GET4: variants seen among roughly 807,000 people sequenced by gnomAD.
GET4 encodes guided entry of tail-anchored proteins factor 4, also known as Golgi to ER traffic protein 4 homolog.
In GET4, 20 loss-of-function variants were observed where a neutral mutation model predicts 40.0. The observed-to-expected ratio is 0.50, with a 90% CI of 0.35 to 0.73. GET4 has a LOEUF of 0.73. GET4 is among the 30% of genes least tolerant of loss of function. The pLI is 0.01. For synonymous variants in GET4, 280 were observed against 194.6 expected (o/e 1.44, Z -3.65); for missense variants, 557 against 454.0 (o/e 1.23, Z -2.06).
At chr7:877,832 G>A (rs1448880517) in intron 1 of GET4, 1 of 34,734 alleles carries the variant, frequency 2.9e-5, no homozygotes, top group Non-Finnish European at 5.2e-5. Flanking sequence ...CCGGCCCCCC[G>A]CCTTTCTCTC....
chr7:886,181 C>A, intron 2 of GET4, 47 bp downstream of exon 2: 1 of 1,269,288 alleles, frequency 7.9e-7, no homozygotes, highest in Non-Finnish European at 1.2e-6. Context: ...TCCGGGCAGG[C>A]AAGTGGAGGT....
Position 892,278 on chromosome 7 carries a change from G to T in GET4, c.606G>T (p.Gln202His). 2 of 1,586,660 alleles carry T rather than the reference G, an allele frequency of 1.3e-6. No homozygotes were observed. The highest frequency in any genetic ancestry group is 1.7e-6 in the Non-Finnish European group (2 of 1,156,814). ...ACCACCAGCATGTTCTCATTTCCAG[G>T]TTTCTCTGTTTAAAAAACAAAAGTA... Reference protein sequence around the residue: ...VDMFVAQAVLQFLCLKNKSSA... With the variant: ...VDMFVAQAVLHFLCLKNKSSA... Residue 202 changes from glutamine (Q) to histidine (H), a missense_variant and splice_region_variant, in exon 6 of 9, where the codon CAG (glutamine) becomes CAT (histidine). By Grantham distance (24) the Gln-to-His change is conservative (BLOSUM62 0). Transcript: ENST00000265857.
chr7:894,629 A>G (rs1337524574), intron 8 of GET4, among the ~76,000 whole-genome samples: 1 of 150,856 alleles, frequency 6.6e-6, no homozygotes, highest in Non-Finnish European at 1.5e-5. Flanking sequence ...GAGCGCCCTG[A>G]CTCTTCTGAC....
chr7:880,423 C>G (rs1212845513), intron 1 of GET4: 5 of 152,250 alleles, frequency 3.3e-5, no homozygotes, highest in African/African-American at 1.2e-4. Flanking sequence ...TTGTTTTGAG[C>G]CACTTCTACG....
chr7:890,878 T>G, intron 4 of GET4, 50 bp from the exon 5 acceptor site: 1 of 1,417,252 alleles, frequency 7.1e-7, no homozygotes, highest in Non-Finnish European at 1.0e-6. Context: ...TTTCCTTTTC[T>G]GTGTTATATT....
chr7:882,459 A>C (rs1225159563), intron 1 of GET4: 1 of 152,308 alleles, frequency 6.6e-6, no homozygotes, highest in Non-Finnish European at 1.5e-5. Context: ...AGAGAAACTG[A>C]CCTGGTTCAT....
At chr7:884,140 G>T in intron 1 of GET4, 1 of 1,247,314 alleles carries the variant, frequency 8.0e-7, no homozygotes, top group Non-Finnish European at 1.0e-6. Context: ...TCAGATAGAA[G>T]CATCCAGAAC....
chr7:884,542 G>A (rs1050142226), intron 1 of GET4: 28 of 356,536 alleles, frequency 7.9e-5, no homozygotes, highest in Admixed American at 1.6e-4. Context: ...TGTGCAGCAC[G>A]AAGCGGTCTC....
chr7:886,913 A>T (rs1279443770), intron 3 of GET4: 1 of 550,778 alleles, frequency 1.8e-6, no homozygotes, highest in Admixed American at 3.0e-5. Flanking sequence ...CACTGCTCCG[A>T]TGGACAGTGG....
rs1199417534 is a variant in GET4, at chr7:876,612, C to G, written c.-34C>G. ...CGGGAGGCGCTGCCGACCGCGCCTGCGACAGCGTCAGCCCTGCGCGGAGCG... is the reference window on the plus strand; with the variant it reads ...CGGGAGGCGCTGCCGACCGCGCCTGGGACAGCGTCAGCCCTGCGCGGAGCG... On this transcript the variant is annotated 5_prime_UTR_variant, in exon 1 of 9. Coordinates refer to ENST00000265857, the MANE Select transcript of GET4 (RefSeq NM_015949.3). 1.7e-6 allele frequency: 2 copies of G among 1,169,598 alleles called. No individual in the cohort carries two copies. Among genetic ancestry groups the G allele is most frequent in the East Asian group, 4.0e-5 (1 of 24,798 alleles). 72.5% of individuals were successfully genotyped at this position (1,169,598 alleles called of 1,614,324 possible).
intron 3 of GET4, 112 bp downstream of exon 3, chr7:886,762 G>T: frequency 1.3e-6 from 1 of 749,994 alleles, no homozygotes; most frequent in South Asian, 1.5e-5. Flanking sequence ...GTGTGCTGTG[G>T]GGTGAACTCT....
intron 5 of GET4, 56 bp downstream of exon 5, chr7:891,122 CCTTAG>C: frequency 6.9e-7 from 1 of 1,440,844 alleles, no homozygotes; most frequent in Non-Finnish European, 9.4e-7. Flanking sequence ...GGCTGGGCAG[CCTTAG>C]AACAGGTCCC....
chr7:886,730 C>T (rs1474002732), intron 3 of GET4, 80 bp downstream of exon 3: 23 of 929,610 alleles, frequency 2.5e-5, no homozygotes, highest in Admixed American at 3.5e-5. Context: ...CGCTGTGTTT[C>T]GTGTCTGCGT....
At chr7:892,220 G>A (rs1231459184) in intron 5 of GET4, 58 bp from the exon 6 acceptor site, 1 of 1,564,160 alleles carries the variant, frequency 6.4e-7, no homozygotes, top group Non-Finnish European at 8.8e-7. Flanking sequence ...GCCGGCGCCT[G>A]TGCGGGCAGA....
intron 1 of GET4, chr7:883,868 G>A: frequency 9.8e-7 from 1 of 1,025,478 alleles, no homozygotes; most frequent in Non-Finnish European, 1.2e-6. Context: ...CGGCATTCCT[G>A]GACCTGGAAA....
At chr7:884,279 C>T (rs556858027) in intron 1 of GET4, 1 of 1,304,116 alleles carries the variant, frequency 7.7e-7, no homozygotes, top group East Asian at 5.5e-5. Flanking sequence ...TCCAGAGTGC[C>T]CTGTGCCAGA....
chr7:883,476 GT>G, intron 1 of GET4: 1 of 982,624 alleles, frequency 1.0e-6, no homozygotes, highest in Non-Finnish European at 1.2e-6. Context: ...GCTTTTTAAT[GT>G]TTTTGTAAGA....
chr7:879,047 TGAG>T (rs1415516806), intron 1 of GET4, among the ~76,000 whole-genome samples: 2 of 152,132 alleles, frequency 1.3e-5, no homozygotes, highest in African/African-American at 2.4e-5. Flanking sequence ...TGTGGGGGGA[TGAG>T]GAACCCCATG....
chr7:887,357 G>C lies in GET4; in HGVS notation c.317-13G>C. The C allele has an allele frequency of 6.3e-7, 1 of 1,576,750 alleles. No individual in the cohort carries two copies. On this transcript the variant is annotated splice_polypyrimidine_tract_variant and intron_variant, in intron 3 of 8. Coordinates refer to ENST00000265857, the MANE Select transcript of GET4 (RefSeq NM_015949.3). ...CCGTGCGTTCCTCTGATGAGGGTCT[G>C]TGCTGTTTGCAGAAAATCTGGCTAA...
Sources: allele counts gnomAD v4.1 joint callset (sites outside exome capture counted in the v4.1 genomes callset), GRCh38; gene constraint gnomAD v4.1.1; transcripts MANE v1.5; gene names NCBI Gene and HGNC (gene_info 2026-07-23, HGNC 2026-07-21).